Variants in PCDH15 observed in about 807,000 individuals in gnomAD.
PCDH15 encodes the protein protocadherin-15.
PCDH15 carries 129 observed loss-of-function variants against 178.5 expected under a neutral mutation model. The ratio of observed to expected loss-of-function variants is 0.72; its 90% CI spans 0.63 to 0.84. PCDH15 has a LOEUF of 0.84. Among genes scored for constraint, PCDH15 ranks in the 40% least tolerant of loss-of-function variants. The pLI, the probability that PCDH15 is intolerant of heterozygous loss-of-function variation, is 0.00. For synonymous variants in PCDH15, 800 were observed against 732.0 expected, an observed-to-expected ratio of 1.09 and a Z score of -1.50; for missense variants, 2,230 against 2,099.9, an observed-to-expected ratio of 1.06 and a Z score of -1.21.
chr10:55,221,752 C>T (rs189030279), intron 1 of PCDH15, among the ~76,000 whole-genome samples: 1 of 152,070 alleles, frequency 6.6e-6, no homozygotes, highest in Non-Finnish European at 1.5e-5. Flanking sequence ...ATGTCAATAA[C>T]CTTCACACCA....
intron 1 of PCDH15, among the ~76,000 whole-genome samples, chr10:55,296,568 A>G (rs1158255614): frequency 6.6e-6 from 1 of 151,996 alleles, no homozygotes; most frequent in Non-Finnish European, 1.5e-5. Context: ...TTTTCCCATT[A>G]CTCCTATTAT....
intron 3 of PCDH15, among the ~76,000 whole-genome samples, chr10:54,421,990 A>G (rs1955585944): frequency 6.9e-6 from 1 of 145,750 alleles, no homozygotes; most frequent in African/African-American, 2.5e-5. Flanking sequence ...TTAATCCTTT[A>G]ATTTTAAAAA....
chr10:54,591,453 G>A (rs61212349), intron 2 of PCDH15, among the ~76,000 whole-genome samples: 16 of 152,222 alleles, frequency 1.1e-4, no homozygotes, highest in East Asian at 7.7e-4. Context: ...TAGAAAGATC[G>A]AGAAAACTGA....
chr10:55,477,978 G>A (rs950570327), intron 2 of PCDH15, among the ~76,000 whole-genome samples: 1 of 151,692 alleles, frequency 6.6e-6, no homozygotes, highest in Non-Finnish European at 1.5e-5. Context: ...GACTGAAATT[G>A]ACAGATGGAA....
rs756559516 is a variant in PCDH15 at position 53,903,322 on chromosome 10, G to A, written c.3422C>T (p.Pro1141Leu). The A allele has an allele frequency of 1.9e-6, 3 of 1,612,954 alleles. No individual in the cohort carries two copies. Among genetic ancestry groups the A allele is most frequent in the Non-Finnish European group, 2.5e-6 (3 of 1,179,378 alleles). ...YIEIQDENNH[P>L]PVFQKKFYIG... Reference sequence around the variant, plus strand: ...GTAGAATTTTTTCTGAAACACTGGGGGATGATTATTTTCATCCTGAATCTC... The same window carrying A: ...GTAGAATTTTTTCTGAAACACTGGGAGATGATTATTTTCATCCTGAATCTC... The change falls in exon 26 of 38, where the codon CCC becomes CTC. Residue 1141 changes from proline (P) to leucine (L), a missense_variant. By Grantham distance (98) the Pro-to-Leu change is moderately conservative (BLOSUM62 -3). Transcript: ENST00000644397.
intron 1 of PCDH15, among the ~76,000 whole-genome samples, chr10:54,691,991 A>T (rs995763336): frequency 6.6e-6 from 1 of 152,174 alleles, no homozygotes; most frequent in African/African-American, 2.4e-5. Context: ...AAATTTATAT[A>T]ACATTCAAGA....
rs35596789 is a variant in PCDH15 at position 54,098,190 on chromosome 10, TTGTGTGTGTGTG to T, written c.1918-8139_1918-8128del. 5.9e-3 allele frequency among the ~76,000 whole-genome samples: 851 copies of T among 143,196 alleles called. 6 individuals are homozygous for T. Among genetic ancestry groups the T allele is most frequent in the East Asian group, 0.021 (99 of 4,786 alleles). The allele number at this position is 143,196 out of a possible 152,430, so 93.9% of individuals were successfully genotyped here. A position where few individuals can be genotyped will look rare whatever the true frequency, so the allele number is the denominator to read the frequency against. Reference sequence around the variant, plus strand: ...TCCAAACTTGACAGAGAAAATAAAGTTGTGTGTGTGTGTGTGTGTGTGTGTGTGTGTGTGTGT... The same window carrying T: ...TCCAAACTTGACAGAGAAAATAAAGTTGTGTGTGTGTGTGTGTGTGTGTGT... On this transcript the variant is annotated intron_variant, in intron 15 of 37. Transcript: ENST00000644397.
chr10:54,980,422 T>C (rs184122619), intron 2 of PCDH15, among the ~76,000 whole-genome samples: 3 of 152,250 alleles, frequency 2.0e-5, no homozygotes, highest in Admixed American at 1.3e-4. Context: ...TCTTATTTTA[T>C]TGAATTACCA....
intron 3 of PCDH15, among the ~76,000 whole-genome samples, chr10:54,837,594 C>T (rs1953338266): frequency 6.6e-6 from 1 of 152,044 alleles, no homozygotes. Flanking sequence ...ATTATTATTA[C>T]AATATTCCTT....
Position 55,166,574 on chromosome 10 carries a change from A to G in PCDH15, c.-80+2T>C, listed in dbSNP as rs1839203228. On this transcript the variant is annotated splice_donor_variant, in intron 2 of 5. Coordinates refer to the PCDH15 transcript ENST00000458638. LOFTEE classifies it low-confidence loss of function (5UTR_SPLICE). The stretch of plus-strand genomic sequence containing the variant: ...TATAAAGGAGGATACCACTTTACTC[A>G]CCCTAGTGTCGTGTCCTTTTGTCAA... The G allele has an allele frequency of 6.6e-6, 1 of 152,088 alleles. No individual in the cohort carries two copies. The highest frequency in any genetic ancestry group is 2.4e-5 in the African/African-American group (1 of 41,422). 9.4% of individuals were successfully genotyped at this position (152,088 alleles called of 1,614,324 possible). A position where few individuals can be genotyped will look rare whatever the true frequency, so the allele number is the denominator to read the frequency against.
At chr10:53,810,712 T>C in intron 36 of PCDH15, 48 bp from the exon 37 acceptor site, 1 of 1,495,336 alleles carries the variant, frequency 6.7e-7, no homozygotes, top group South Asian at 1.1e-5. Flanking sequence ...GTGATTTCTG[T>C]AGAATCTACC....
Position 54,242,168 on chromosome 10 carries a change from A to G in PCDH15, c.877-5237T>C, listed in dbSNP as rs1460796525. 3.2e-3 allele frequency among the ~76,000 whole-genome samples: 380 copies of G among 118,492 alleles called. 22 individuals carry two copies. The highest frequency in any genetic ancestry group is 0.012 in the African/African-American group (359 of 29,652). The allele number at this position is 118,492 out of a possible 152,430, so 77.7% of individuals were successfully genotyped here. A position where few individuals can be genotyped will look rare whatever the true frequency, so the allele number is the denominator to read the frequency against. On this transcript the variant is annotated intron_variant, in intron 8 of 37. Coordinates refer to ENST00000644397, the MANE Select transcript of PCDH15 (RefSeq NM_001384140.1). Reference sequence around the variant, plus strand: ...TATATATATATATATATATATATATATATATATATATATATATATACACAC... The same window carrying G: ...TATATATATATATATATATATATATGTATATATATATATATATATACACAC...
At chr10:55,176,160 T>A (rs12570648) in intron 1 of PCDH15, among the ~76,000 whole-genome samples, 21,334 of 151,948 alleles carry the variant, frequency 0.14, 1,553 homozygotes, top group East Asian at 0.25. Flanking sequence ...GGAGTGGCCA[T>A]TTCTGTTCTC....
At chr10:55,485,044 T>C (rs1840267831) in intron 2 of PCDH15, among the ~76,000 whole-genome samples, 1 of 151,696 alleles carries the variant, frequency 6.6e-6, no homozygotes, top group Admixed American at 6.6e-5. Context: ...TGGGATTTTG[T>C]CAATCCACAA....
intron 2 of PCDH15, among the ~76,000 whole-genome samples, chr10:54,555,593 C>T (rs183239890): frequency 1.7e-4 from 25 of 151,116 alleles, no homozygotes; most frequent in African/African-American, 6.1e-4. Context: ...AAAAATTGGC[C>T]GGGTGTGGTG....
At chr10:55,482,685 C>T (rs1025773070) in intron 2 of PCDH15, among the ~76,000 whole-genome samples, 26 of 151,656 alleles carry the variant, frequency 1.7e-4, no homozygotes, top group African/African-American at 4.8e-4. Context: ...CTGAGATGTC[C>T]GCTGTTAGTC....
At chr10:53,992,664 T>C (rs2091603193) in intron 21 of PCDH15, among the ~76,000 whole-genome samples, 1 of 152,200 alleles carries the variant, frequency 6.6e-6, no homozygotes, top group African/African-American at 2.4e-5. Flanking sequence ...CCTGTAGTTT[T>C]GTTCTGTCAA....
intron 23 of PCDH15, among the ~76,000 whole-genome samples, chr10:53,948,406 C>T (rs1564837721): frequency 6.6e-6 from 1 of 152,014 alleles, no homozygotes; most frequent in Non-Finnish European, 1.5e-5. Context: ...GTAATTTCTG[C>T]TTTCCCTTGT....
chr10:55,336,150 A>AAC (rs1844385881), intron 2 of PCDH15, among the ~76,000 whole-genome samples: 5 of 140,562 alleles, frequency 3.6e-5, no homozygotes, highest in African/African-American at 1.1e-4. Flanking sequence ...AAAAAAAAAA[A>AAC]AAAACAGTAG....
Sources: allele counts gnomAD v4.1 joint callset (sites outside exome capture counted in the v4.1 genomes callset), GRCh38; gene constraint gnomAD v4.1.1; transcripts MANE v1.5; gene names NCBI Gene and HGNC (gene_info 2026-07-23, HGNC 2026-07-21).